The following GRID2 variants were observed in gnomAD, a reference collection of about 807,000 sequenced individuals.
GRID2 encodes glutamate receptor ionotropic, delta-2.
A neutral mutation model predicts 114.8 loss-of-function variants in GRID2; 33 were observed. The observed-to-expected ratio is 0.29, with a 90% CI of 0.22 to 0.38. The LOEUF is 0.38. Among genes scored for constraint, GRID2 ranks in the 10% least tolerant of loss-of-function variants. GRID2 has a pLI of 1.00. For synonymous variants in GRID2, 505 were observed against 449.9 expected (o/e 1.12, Z -1.55); for missense variants, 1,184 against 1,257.7 (o/e 0.94, Z 0.89).
intron 3 of GRID2, among the ~76,000 whole-genome samples, chr4:93,103,721 G>A (rs549780198): frequency 6.6e-6 from 1 of 152,110 alleles, no homozygotes; most frequent in East Asian, 1.9e-4. Flanking sequence ...ACTGAGAGGA[G>A]AGAGAATTCA....
intron 8 of GRID2, among the ~76,000 whole-genome samples, chr4:93,244,323 A>G (rs1747889003): frequency 1.3e-5 from 2 of 151,752 alleles, no homozygotes; most frequent in Non-Finnish European, 2.9e-5. Flanking sequence ...AAGTTGGTAA[A>G]ATAAAATGTA....
At chr4:93,422,585 G>T (rs906888584) in intron 9 of GRID2, among the ~76,000 whole-genome samples, 186 bp from the exon 10 acceptor site, 7 of 152,124 alleles carry the variant, frequency 4.6e-5, no homozygotes, top group African/African-American at 1.7e-4. Flanking sequence ...GAGATGATAA[G>T]AAATTGAATG....
chr4:92,700,868 T>C (rs1047141221), intron 2 of GRID2, among the ~76,000 whole-genome samples: 4 of 151,914 alleles, frequency 2.6e-5, no homozygotes, highest in Non-Finnish European at 5.9e-5. Flanking sequence ...GGCAGGCGCC[T>C]GTAGTCCCAG....
chr4:93,094,871 CAAAT>C (rs1008238218), intron 3 of GRID2, among the ~76,000 whole-genome samples: 7 of 151,546 alleles, frequency 4.6e-5, no homozygotes, highest in Admixed American at 1.3e-4. Context: ...TAAGTAACTA[CAAAT>C]AAATAAATAA....
chr4:92,930,929 A>G (rs937110100), intron 2 of GRID2, among the ~76,000 whole-genome samples: 4 of 151,182 alleles, frequency 2.6e-5, no homozygotes, highest in African/African-American at 9.7e-5. Context: ...GGTTAATTCT[A>G]TCAAGCATTT....
chr4:93,710,192 G>C lies in GRID2; in HGVS notation c.2361-59018G>C, dbSNP rs188884153. 3.9e-5 allele frequency among the ~76,000 whole-genome samples: 6 copies of C among 152,268 alleles called. No homozygotes were observed. In the East Asian group the frequency reaches 1.2e-3, roughly 29 times the overall value. ...ATTGTAGTCTTCATGATCTGGGCTT[G>C]TTTGTACCCCTCTTTCCTGGAAAAG... On this transcript the variant is annotated intron_variant, in intron 14 of 15. Coordinates refer to ENST00000282020, the MANE Select transcript of GRID2 (RefSeq NM_001510.4).
chr4:93,507,884 G>T (rs541287130), intron 12 of GRID2, among the ~76,000 whole-genome samples: 1 of 152,194 alleles, frequency 6.6e-6, no homozygotes, highest in South Asian at 2.1e-4. Flanking sequence ...GCAATTCACT[G>T]GAGGTTCAAT....
chr4:93,565,803 G>A (rs1396315517), intron 13 of GRID2, among the ~76,000 whole-genome samples: 1 of 152,100 alleles, frequency 6.6e-6, no homozygotes, highest in Non-Finnish European at 1.5e-5. Context: ...AAAATTCTTA[G>A]GAATCAGTTT....
At chr4:93,216,316 G>A (rs997477021) in intron 5 of GRID2, among the ~76,000 whole-genome samples, 3 of 151,884 alleles carry the variant, frequency 2.0e-5, no homozygotes, top group African/African-American at 4.8e-5. Flanking sequence ...GCGTATGTGC[G>A]TGTGTATAAC....
intron 2 of GRID2, among the ~76,000 whole-genome samples, chr4:92,729,729 T>C: frequency 6.6e-6 from 1 of 151,968 alleles, no homozygotes. Context: ...TGCTAATCAG[T>C]ATGAGACCAA....
At chr4:93,589,048 T>A (rs1021515287) in intron 13 of GRID2, among the ~76,000 whole-genome samples, 5 of 151,752 alleles carry the variant, frequency 3.3e-5, no homozygotes, top group Middle Eastern at 3.2e-3. Flanking sequence ...TTTTATTATT[T>A]ATTTATTTTA....
At chr4:93,232,886 C>T (rs1056406014) in intron 7 of GRID2, among the ~76,000 whole-genome samples, 1 of 151,914 alleles carries the variant, frequency 6.6e-6, no homozygotes, top group Non-Finnish European at 1.5e-5. Context: ...TGAATACTAC[C>T]ATATGTTGTA....
chr4:92,965,450 TAAAAAAA>T (rs869285420), intron 2 of GRID2, among the ~76,000 whole-genome samples: 35 of 85,748 alleles, frequency 4.1e-4, no homozygotes, highest in African/African-American at 1.3e-3. Flanking sequence ...ATTCAATTTG[TAAAAAAA>T]AAAAAAAAAA....
chr4:92,958,727 G>A (rs1029953063), intron 2 of GRID2, among the ~76,000 whole-genome samples: 1 of 152,138 alleles, frequency 6.6e-6, no homozygotes, highest in East Asian at 1.9e-4. Context: ...CCCTCAGAAA[G>A]ACATTATAGA....
At chr4:93,599,027 G>C (rs1023281832) in intron 13 of GRID2, among the ~76,000 whole-genome samples, 9 of 152,164 alleles carry the variant, frequency 5.9e-5, no homozygotes, top group Middle Eastern at 6.8e-3. Context: ...TCTAGACTAA[G>C]AAAATCATAT....
chr4:93,093,615 A>C (rs1207843319), intron 3 of GRID2, among the ~76,000 whole-genome samples: 5 of 152,016 alleles, frequency 3.3e-5, no homozygotes. Context: ...ACCCAGCTAC[A>C]TGTCACGTGC....
At chr4:92,939,124 C>G (rs924510898) in intron 2 of GRID2, among the ~76,000 whole-genome samples, 1 of 147,300 alleles carries the variant, frequency 6.8e-6, no homozygotes, top group African/African-American at 2.4e-5. Flanking sequence ...GTTCTAGATC[C>G]ATGAGGAACT....
intron 4 of GRID2, among the ~76,000 whole-genome samples, chr4:93,134,291 A>G (rs1459270607): frequency 6.6e-6 from 1 of 152,190 alleles, no homozygotes; most frequent in Admixed American, 6.5e-5. Flanking sequence ...GTCATATTTC[A>G]GTATATATGA....
chr4:93,331,131 C>T (rs566202987), intron 8 of GRID2, among the ~76,000 whole-genome samples: 1 of 146,712 alleles, frequency 6.8e-6, no homozygotes, highest in South Asian at 2.3e-4. Flanking sequence ...ATCTAACCCC[C>T]CCCCCATTTC....
Sources: allele counts gnomAD v4.1 joint callset (sites outside exome capture counted in the v4.1 genomes callset), GRCh38; gene constraint gnomAD v4.1.1; transcripts MANE v1.5; gene names NCBI Gene and HGNC (gene_info 2026-07-23, HGNC 2026-07-21).